MCFD2: variants seen among roughly 807,000 people sequenced by gnomAD.
MCFD2 encodes multiple coagulation factor deficiency 2, ER cargo receptor complex subunit.
Under a neutral mutation model 12.8 loss-of-function variants are expected in MCFD2, and 11 were observed. The observed-to-expected ratio is 0.86, with a 90% CI of 0.54 to 1.42. The LOEUF is 1.42. Among genes scored for constraint, MCFD2 ranks in the 40% most tolerant of loss-of-function variants. MCFD2 has a pLI of 0.00. For missense variants in MCFD2, 191 were observed against 178.6 expected (o/e 1.07, Z -0.40); for synonymous variants, 70 against 68.1 (o/e 1.03, Z -0.14).
chr2:46,922,756 C>T (rs2103808956), intron 1 of MCFD2, among the ~76,000 whole-genome samples: 1 of 152,234 alleles, frequency 6.6e-6, no homozygotes, highest in East Asian at 1.9e-4. Flanking sequence ...GCTCTTCCCA[C>T]ACTGGAGGAA....
chr2:46,906,611 C>A (rs1668251734), intron 3 of MCFD2, among the ~76,000 whole-genome samples: 1 of 151,180 alleles, frequency 6.6e-6, no homozygotes, highest in Admixed American at 6.6e-5. Flanking sequence ...TACCCTCCCA[C>A]CCCGTCACCC....
chr2:46,923,627 C>G (rs1669226005), intron 1 of MCFD2, among the ~76,000 whole-genome samples: 1 of 152,154 alleles, frequency 6.6e-6, no homozygotes, highest in Non-Finnish European at 1.5e-5. Context: ...TGTGATGGTT[C>G]ATGCCTGTAA....
upstream of MCFD2, chr2:46,915,976 T>A: frequency 1.0e-6 from 1 of 985,400 alleles, no homozygotes; most frequent in Non-Finnish European, 1.2e-6. Flanking sequence ...ACGCAGTTCT[T>A]CTACCTGCTT....
chr2:46,909,208 C>G, intron 1 of MCFD2, 31 bp from the exon 2 acceptor site: 1 of 1,598,176 alleles, frequency 6.3e-7, no homozygotes, highest in Non-Finnish European at 8.5e-7. Flanking sequence ...AAGAGGAAGG[C>G]AGAGCATCAG....
At chr2:46,928,200 G>A (rs1406896706) in intron 1 of MCFD2, among the ~76,000 whole-genome samples, 1 of 151,770 alleles carries the variant, frequency 6.6e-6, no homozygotes, top group Non-Finnish European at 1.5e-5. Flanking sequence ...CCTTGTATTA[G>A]TTTTCTCTTT....
chr2:46,913,625 T>C (rs960824422), intron 1 of MCFD2: 1 of 152,214 alleles, frequency 6.6e-6, no homozygotes, highest in African/African-American at 2.4e-5. Context: ...CTTTAGGAAA[T>C]TATAAAGGCC....
At chr2:46,917,169 T>C, upstream of MCFD2, 5 of 701,616 alleles carry the variant, frequency 7.1e-6, no homozygotes, top group South Asian at 1.5e-5. Flanking sequence ...CTAATTTTTT[T>C]TTCTTTTTTT....
At chr2:46,936,612 T>C (rs1321996588) in intron 1 of MCFD2, among the ~76,000 whole-genome samples, 1 of 152,134 alleles carries the variant, frequency 6.6e-6, no homozygotes, top group African/African-American at 2.4e-5. Flanking sequence ...TGTCTATGGC[T>C]TCCTCGGGCC....
rs767700570 is a variant in MCFD2, at chr2:46,907,452, A to T, written c.309+358T>A. 1 of 312,188 alleles carries T rather than the reference A, an allele frequency of 3.2e-6. No homozygotes were observed. Among genetic ancestry groups the T allele is most frequent in the Non-Finnish European group, 6.2e-6 (1 of 160,030 alleles). The allele number at this position is 312,188 out of a possible 1,614,324, so 19.3% of individuals were successfully genotyped here. A position where few individuals can be genotyped will look rare whatever the true frequency, so the allele number is the denominator to read the frequency against. On this transcript the variant is annotated intron_variant, in intron 3 of 3. Coordinates refer to ENST00000319466, the MANE Select transcript of MCFD2 (RefSeq NM_139279.6). This position sits in a 1 kb window ranked among gnomAD's most constrained non-coding sequence, Gnocchi z 4.1. ...CAGGCTGAAGTGCGGTGGCATGATTATGGCTCACTATAGCCTCGACATCCT... is the reference window on the plus strand; with the variant it reads ...CAGGCTGAAGTGCGGTGGCATGATTTTGGCTCACTATAGCCTCGACATCCT...
chr2:46,914,396 G>A (rs562413557), intron 1 of MCFD2, among the ~76,000 whole-genome samples: 1 of 152,266 alleles, frequency 6.6e-6, no homozygotes, highest in African/African-American at 2.4e-5. Flanking sequence ...AAGAAAAACT[G>A]ACCAGTACTT....
At chr2:46,933,501 G>A (rs1445448522) in intron 1 of MCFD2, among the ~76,000 whole-genome samples, 1 of 152,234 alleles carries the variant, frequency 6.6e-6, no homozygotes, top group Admixed American at 6.5e-5. Flanking sequence ...TCTGGCAGCT[G>A]ACAAAGGAAA....
Position 46,907,826 on chromosome 2 carries a change from G to C in MCFD2, c.293C>G (p.Thr98Ser). Reference sequence around the variant, plus strand: ...CAGACCTACCTCCTTATGGACATGAGTGATGGCTGTGGAGAGTTCTAAGCC... The same window carrying C: ...CAGACCTACCTCCTTATGGACATGACTGATGGCTGTGGAGAGTTCTAAGCC... Reference protein sequence around the residue: ...LDGLELSTAITHVHKEEGSEQ... With the variant: ...LDGLELSTAISHVHKEEGSEQ... The change falls in exon 3 of 4, where the codon ACT becomes AGT. Residue 98 changes from threonine to serine, a missense_variant. By Grantham distance (58) the Thr-to-Ser change is moderately conservative. Coordinates refer to ENST00000319466, the MANE Select transcript of MCFD2 (RefSeq NM_139279.6). The surrounding 1 kb of genome is among the most constrained non-coding windows in gnomAD (Gnocchi z 4.1). The C allele has an allele frequency of 6.2e-7, 1 of 1,614,170 alleles. No individual in the cohort carries two copies. The highest frequency in any genetic ancestry group is 8.5e-7 in the Non-Finnish European group (1 of 1,180,018).
chr2:46,908,132 C>G lies in MCFD2; in HGVS notation c.150-163G>C. 1.3e-6 allele frequency: 1 copy of G among 748,134 alleles called. No homozygotes were observed. Among genetic ancestry groups the G allele is most frequent in the Non-Finnish European group, 2.3e-6 (1 of 435,736 alleles). 46.3% of individuals were successfully genotyped at this position (748,134 alleles called of 1,614,324 possible). Reference sequence around the variant, plus strand: ...AAGGATTACACAGAGATAGACAAGGCCTTGAGAGGAGCAGGAAAAGTCAAA... The same window carrying G: ...AAGGATTACACAGAGATAGACAAGGGCTTGAGAGGAGCAGGAAAAGTCAAA... On this transcript the variant is annotated intron_variant, in intron 2 of 3. Transcript: ENST00000319466. The surrounding 1 kb of genome is among the most constrained non-coding windows in gnomAD (Gnocchi z 4.5).
chr2:46,925,642 A>G (rs1669348873), intron 1 of MCFD2, among the ~76,000 whole-genome samples: 1 of 152,158 alleles, frequency 6.6e-6, no homozygotes, highest in Non-Finnish European at 1.5e-5. Flanking sequence ...GTGAAAAGGC[A>G]ATTCACAAAC....
At chr2:46,934,469 G>T (rs1223617025) in intron 1 of MCFD2, among the ~76,000 whole-genome samples, 1 of 152,098 alleles carries the variant, frequency 6.6e-6, no homozygotes, top group African/African-American at 2.4e-5. Flanking sequence ...ATGTTGGCCA[G>T]GCTGGTCTTG....
chr2:46,913,971 G>A (rs1668588275), intron 1 of MCFD2: 1 of 152,456 alleles, frequency 6.6e-6, no homozygotes, highest in African/African-American at 2.4e-5. Flanking sequence ...ACACTCATTT[G>A]ACCTGAACAT....
Position 46,902,665 on chromosome 2 carries a change from G to A in MCFD2, c.*2798C>T, listed in dbSNP as rs1242337829. 4 of 152,590 alleles carry A rather than the reference G, an allele frequency of 2.6e-5. No homozygotes were observed. The highest frequency in any genetic ancestry group is 4.4e-5 in the Non-Finnish European group (3 of 68,040). 9.5% of individuals were successfully genotyped at this position (152,590 alleles called of 1,614,324 possible). On this transcript the variant is annotated 3_prime_UTR_variant, in exon 4 of 4. Coordinates refer to ENST00000319466, the MANE Select transcript of MCFD2 (RefSeq NM_139279.6). ...TACAGAATCTTAGACTCTGTGGCTAGGCTGAACTCAGAATCTCAGACTCTG... is the reference window on the plus strand; with the variant it reads ...TACAGAATCTTAGACTCTGTGGCTAAGCTGAACTCAGAATCTCAGACTCTG...
upstream of MCFD2, chr2:46,916,164 A>ACAGGGCTCTTGGTT: frequency 1.0e-6 from 1 of 985,442 alleles, no homozygotes; most frequent in Non-Finnish European, 1.2e-6. Flanking sequence ...CCCCTCCTAT[A>ACAGGGCTCTTGGTT]CAGGGCTCTT....
At position 46,908,266 on chromosome 2, in the gene MCFD2, T is replaced by C; in HGVS notation, c.150-297A>G. 4.7e-6 allele frequency: 1 copy of C among 214,400 alleles called. No homozygotes were observed. The highest frequency in any genetic ancestry group is 3.8e-5 in the African/African-American group (1 of 26,244). The allele number at this position is 214,400 out of a possible 1,614,324, so 13.3% of individuals were successfully genotyped here. A position where few individuals can be genotyped will look rare whatever the true frequency, so the allele number is the denominator to read the frequency against. Reference sequence around the variant, plus strand: ...ATTTAAAAATATGTCCTTTAAAACTTTTTTTTTTTTTTGAGACAGGGTCTC... The same window carrying C: ...ATTTAAAAATATGTCCTTTAAAACTCTTTTTTTTTTTTGAGACAGGGTCTC... On this transcript the variant is annotated intron_variant, in intron 2 of 3. Transcript: ENST00000319466. This position sits in a 1 kb window ranked among gnomAD's most constrained non-coding sequence, Gnocchi z 4.5.
Sources: allele counts gnomAD v4.1 joint callset (sites outside exome capture counted in the v4.1 genomes callset), GRCh38; gene constraint gnomAD v4.1.1; non-coding constraint Gnocchi (gnomAD v3.1); transcripts MANE v1.5; gene names NCBI Gene and HGNC (gene_info 2026-07-23, HGNC 2026-07-21).